GULP1: variants seen among roughly 807,000 people sequenced by gnomAD.
GULP1 encodes the protein GULP PTB domain containing engulfment adaptor 1, also known as PTB domain-containing engulfment adapter protein 1.
In GULP1, 19 loss-of-function variants were observed where a neutral mutation model predicts 40.9. The ratio of observed to expected loss-of-function variants is 0.46; its 90% CI spans 0.32 to 0.68. The LOEUF (loss-of-function observed/expected upper bound fraction) is 0.68, where lower values mean the gene tolerates loss of function less well. GULP1 is among the 30% of genes least tolerant of loss of function. The pLI is 0.03. For missense variants in GULP1, 312 were observed against 362.2 expected, an observed-to-expected ratio of 0.86 and a Z score of 1.12; for synonymous variants, 119 against 117.6, an observed-to-expected ratio of 1.01 and a Z score of -0.08.
chr2:188,323,075 T>G (rs994908715), intron 1 of GULP1, among the ~76,000 whole-genome samples: 1 of 152,034 alleles, frequency 6.6e-6, no homozygotes. Flanking sequence ...CTTTCTTCTC[T>G]TCGTTGAGTT....
chr2:188,576,591 T>A (rs1700219381), intron 9 of GULP1, among the ~76,000 whole-genome samples: 1 of 152,172 alleles, frequency 6.6e-6, no homozygotes, highest in South Asian at 2.1e-4. Flanking sequence ...TTAAACAGAA[T>A]ACTTACATAT....
chr2:188,491,468 G>T (rs183270937), intron 4 of GULP1: 1 of 151,842 alleles, frequency 6.6e-6, no homozygotes, highest in East Asian at 2.0e-4. Flanking sequence ...GAAGAGGAAA[G>T]GATTGTTAAG....
intron 1 of GULP1, among the ~76,000 whole-genome samples, chr2:188,351,831 A>G (rs548771927): frequency 6.6e-6 from 1 of 152,250 alleles, no homozygotes; most frequent in South Asian, 2.1e-4. Context: ...TTCTCGTATT[A>G]AATTTCTTCA....
At chr2:188,538,204 A>C (rs1345887479) in intron 6 of GULP1, among the ~76,000 whole-genome samples, 2 of 151,838 alleles carry the variant, frequency 1.3e-5, no homozygotes, top group Admixed American at 1.3e-4. Context: ...CTCAGATTTT[A>C]GTTATATCTT....
chr2:188,518,586 A>C (rs1270177225), intron 4 of GULP1, among the ~76,000 whole-genome samples: 1 of 152,110 alleles, frequency 6.6e-6, no homozygotes, highest in African/African-American at 2.4e-5. Flanking sequence ...TTCATTGCCC[A>C]AAAGGAATAC....
At chr2:188,491,753 T>C (rs2062411478) in intron 4 of GULP1, among the ~76,000 whole-genome samples, 1 of 152,082 alleles carries the variant, frequency 6.6e-6, no homozygotes, top group South Asian at 2.1e-4. Context: ...AGAGACATTT[T>C]AAAGGAAATA....
intron 2 of GULP1, among the ~76,000 whole-genome samples, chr2:188,442,494 A>G (rs1428769870): frequency 6.6e-6 from 1 of 152,232 alleles, no homozygotes; most frequent in African/African-American, 2.4e-5. Flanking sequence ...AAACAAAAAC[A>G]CTTTCTAAGC....
intron 2 of GULP1, among the ~76,000 whole-genome samples, chr2:188,451,751 A>G (rs953474282): frequency 2.0e-4 from 31 of 152,138 alleles, no homozygotes; most frequent in Admixed American, 1.9e-3. Flanking sequence ...TCTCTTTGAT[A>G]TCCCTGCCAG....
At chr2:188,309,071 G>A (rs1004982442) in intron 1 of GULP1, among the ~76,000 whole-genome samples, 3 of 152,110 alleles carry the variant, frequency 2.0e-5, no homozygotes, top group African/African-American at 7.2e-5. Flanking sequence ...TTGTTACTTT[G>A]TTGTTTTTGA....
intron 2 of GULP1, among the ~76,000 whole-genome samples, chr2:188,424,362 G>C: frequency 6.6e-6 from 1 of 151,840 alleles, no homozygotes; most frequent in East Asian, 1.9e-4. Flanking sequence ...ACACAGAGTA[G>C]TGTAACGAGG....
At chr2:188,569,099 T>C (rs1268713358) in intron 7 of GULP1, 140 bp from the exon 8 acceptor site, 5 of 590,166 alleles carry the variant, frequency 8.5e-6, no homozygotes, top group African/African-American at 7.5e-5. Context: ...ATTTAATACA[T>C]CTCTACTCCC....
intron 7 of GULP1, among the ~76,000 whole-genome samples, chr2:188,547,481 T>TG (rs1692276537): frequency 6.6e-6 from 1 of 152,108 alleles, no homozygotes; most frequent in Admixed American, 6.6e-5. Flanking sequence ...CTGAAAAACT[T>TG]GAAGTCCAAT....
intron 9 of GULP1, among the ~76,000 whole-genome samples, chr2:188,581,030 T>C (rs1278682453): frequency 1.3e-5 from 2 of 152,088 alleles, no homozygotes; most frequent in Non-Finnish European, 2.9e-5. Context: ...CCTCATCACA[T>C]TGTATTTGGT....
chr2:188,481,180 G>A (rs2061419296), intron 3 of GULP1, among the ~76,000 whole-genome samples: 2 of 151,908 alleles, frequency 1.3e-5, no homozygotes, highest in Admixed American at 1.3e-4. Flanking sequence ...TTTAATTCAA[G>A]GAAGAGGAAC....
intron 2 of GULP1, among the ~76,000 whole-genome samples, chr2:188,412,348 CTTCA>C (rs578067229): frequency 2.6e-3 from 390 of 152,212 alleles, no homozygotes; most frequent in Non-Finnish European, 4.1e-3. Context: ...CCTTCCTTAC[CTTCA>C]TTGTGAAGTA....
rs187834140 is a variant in GULP1, at chr2:188,467,637, T to C, written c.-44-10022T>C. On this transcript the variant is annotated intron_variant, in intron 2 of 11. Transcript: ENST00000409830. ...CATTTATCATTGCTTTAAAAAAATC[T>C]CAGCTATTATATTTCCTACTAATAT... Among the ~76,000 whole-genome samples the C allele has an allele frequency of 5.9e-3, 898 of 152,274 alleles. 12 individuals are homozygous for C. The highest frequency in any genetic ancestry group is 0.021 in the African/African-American group (867 of 41,576).
At chr2:188,390,717 G>A (rs1291789388) in intron 2 of GULP1, among the ~76,000 whole-genome samples, 1 of 151,708 alleles carries the variant, frequency 6.6e-6, no homozygotes, top group African/African-American at 2.4e-5. Flanking sequence ...AGTTTTTCCT[G>A]GGTTATCTTC....
chr2:188,497,676 G>A (rs1252888635), intron 4 of GULP1, among the ~76,000 whole-genome samples: 1 of 151,924 alleles, frequency 6.6e-6, no homozygotes, highest in African/African-American at 2.4e-5. Context: ...GCAGACTCCA[G>A]GTGTAGAAAA....
At chr2:188,319,583 A>G (rs1178098158) in intron 1 of GULP1, among the ~76,000 whole-genome samples, 1 of 152,180 alleles carries the variant, frequency 6.6e-6, no homozygotes, top group East Asian at 1.9e-4. Flanking sequence ...AATGGGAAAC[A>G]TGACTATGAG....
Sources: allele counts gnomAD v4.1 joint callset (sites outside exome capture counted in the v4.1 genomes callset), GRCh38; gene constraint gnomAD v4.1.1; transcripts MANE v1.5; gene names NCBI Gene and HGNC (gene_info 2026-07-23, HGNC 2026-07-21).